Variants in DLG2 observed in about 807,000 individuals in gnomAD.
The protein encoded by DLG2 is discs large MAGUK scaffold protein 2.
Under a neutral mutation model 132.5 loss-of-function variants are expected in DLG2, and 45 were observed. The ratio of observed to expected loss-of-function variants is 0.34; its 90% CI spans 0.27 to 0.44. The LOEUF (loss-of-function observed/expected upper bound fraction) is 0.44, where lower values mean the gene tolerates loss of function less well. Among genes scored for constraint, DLG2 ranks in the 20% least tolerant of loss-of-function variants. The pLI is 1.00. For synonymous variants in DLG2, 424 were observed against 419.6 expected, an observed-to-expected ratio of 1.01 and a Z score of -0.13; for missense variants, 1,045 against 1,196.9, an observed-to-expected ratio of 0.87 and a Z score of 1.87.
At chr11:85,466,127 T>C (rs1480934051) in intron 3 of DLG2, among the ~76,000 whole-genome samples, 1 of 152,248 alleles carries the variant, frequency 6.6e-6, no homozygotes, top group East Asian at 1.9e-4. Flanking sequence ...TCTGTTAATA[T>C]CCTTTGCCCA....
chr11:83,463,961 G>A (rs544818721), intron 26 of DLG2, among the ~76,000 whole-genome samples: 21 of 152,308 alleles, frequency 1.4e-4, no homozygotes, highest in African/African-American at 4.8e-4. Context: ...CTTTGAGGGC[G>A]AAGACCATGG....
At chr11:83,506,189 C>T (rs1489690497) in intron 21 of DLG2, among the ~76,000 whole-genome samples, 1 of 152,150 alleles carries the variant, frequency 6.6e-6, no homozygotes, top group African/African-American at 2.4e-5. Flanking sequence ...CTAGAATTTC[C>T]AGCTCGCTCA....
At chr11:83,629,384 T>C (rs1408519389) in intron 19 of DLG2, among the ~76,000 whole-genome samples, 2 of 152,168 alleles carry the variant, frequency 1.3e-5, no homozygotes, top group South Asian at 2.1e-4. Flanking sequence ...ATCGATACGT[T>C]TTATTAACAA....
chr11:85,389,787 A>G (rs2086644949), intron 3 of DLG2, among the ~76,000 whole-genome samples: 1 of 152,152 alleles, frequency 6.6e-6, no homozygotes, highest in South Asian at 2.1e-4. Context: ...GGAAAGATAC[A>G]GTCTTTTTCA....
chr11:85,262,504 A>T (rs182492634), intron 4 of DLG2, among the ~76,000 whole-genome samples: 3,941 of 152,304 alleles, frequency 0.026, 87 homozygotes, highest in East Asian at 0.095. Flanking sequence ...AGTCTGAAGG[A>T]ACTCCTCAAA....
chr11:84,345,118 C>G (rs1241432306), intron 7 of DLG2, among the ~76,000 whole-genome samples: 1 of 152,136 alleles, frequency 6.6e-6, no homozygotes, highest in Non-Finnish European at 1.5e-5. Context: ...ACTGCAAATG[C>G]AAACTCATGA....
At chr11:84,359,256 C>T (rs2098636045) in intron 7 of DLG2, among the ~76,000 whole-genome samples, 2 of 151,752 alleles carry the variant, frequency 1.3e-5, no homozygotes, top group African/African-American at 4.8e-5. Context: ...AGAAATGAAT[C>T]AATATGCTGT....
chr11:83,813,255 A>T (rs548733765), intron 17 of DLG2, among the ~76,000 whole-genome samples: 1 of 152,282 alleles, frequency 6.6e-6, no homozygotes, highest in East Asian at 1.9e-4. Flanking sequence ...CTTCAAGGGA[A>T]ATACTTTTGA....
At chr11:85,518,185 T>G (rs2094207349) in intron 3 of DLG2, among the ~76,000 whole-genome samples, 1 of 152,196 alleles carries the variant, frequency 6.6e-6, no homozygotes, top group Non-Finnish European at 1.5e-5. Flanking sequence ...GAAGTGACTT[T>G]GGAACTTGGT....
chr11:85,405,185 G>A (rs2088602410), intron 3 of DLG2, among the ~76,000 whole-genome samples: 1 of 151,848 alleles, frequency 6.6e-6, no homozygotes, highest in Non-Finnish European at 1.5e-5. Context: ...TCTGCCCCTT[G>A]CATGCTAGAT....
At chr11:84,863,793 T>C (rs541257246) in intron 6 of DLG2, among the ~76,000 whole-genome samples, 2 of 151,644 alleles carry the variant, frequency 1.3e-5, no homozygotes, top group East Asian at 1.9e-4. Flanking sequence ...TAAAAGAGCA[T>C]GGGATTTGCA....
At chr11:84,561,492 A>G (rs1267166023) in intron 6 of DLG2, among the ~76,000 whole-genome samples, 1 of 152,124 alleles carries the variant, frequency 6.6e-6, no homozygotes, top group East Asian at 1.9e-4. Flanking sequence ...TCTAATATTT[A>G]GAAGTGTAAT....
chr11:84,403,446 C>G (rs1157868578), intron 7 of DLG2, among the ~76,000 whole-genome samples: 1 of 152,172 alleles, frequency 6.6e-6, no homozygotes, highest in Admixed American at 6.5e-5. Context: ...GTATCCTTTA[C>G]ATTCCCACTG....
At chr11:84,447,145 G>A (rs1440565433) in intron 7 of DLG2, among the ~76,000 whole-genome samples, 1 of 152,108 alleles carries the variant, frequency 6.6e-6, no homozygotes, top group African/African-American at 2.4e-5. Context: ...GCTAAACTAC[G>A]CTGTAAGACA....
At chr11:84,084,190 C>T (rs1181895685) in intron 10 of DLG2, among the ~76,000 whole-genome samples, 2 of 152,182 alleles carry the variant, frequency 1.3e-5, no homozygotes, top group African/African-American at 4.8e-5. Context: ...TAGGCATGCA[C>T]TCAGGGCTCT....
chr11:84,185,409 G>A (rs1233756296), intron 8 of DLG2, among the ~76,000 whole-genome samples: 5 of 152,192 alleles, frequency 3.3e-5, no homozygotes, highest in Admixed American at 3.3e-4. Flanking sequence ...TGTGATTTTT[G>A]TACATTGATT....
intron 6 of DLG2, among the ~76,000 whole-genome samples, chr11:84,798,556 C>T (rs1195490527): frequency 2.6e-5 from 4 of 152,174 alleles, no homozygotes; most frequent in Non-Finnish European, 4.4e-5. Flanking sequence ...AGATCTGAGA[C>T]TCACCCTTCA....
At chr11:85,234,610 C>T (rs1291904796) in intron 4 of DLG2, among the ~76,000 whole-genome samples, 1 of 152,004 alleles carries the variant, frequency 6.6e-6, no homozygotes, top group Non-Finnish European at 1.5e-5. Flanking sequence ...ATTTTCTCCA[C>T]TCTTTCTGTC....
chr11:84,282,984 A>C (rs1394005723), intron 7 of DLG2, among the ~76,000 whole-genome samples: 1 of 152,202 alleles, frequency 6.6e-6, no homozygotes, highest in East Asian at 1.9e-4. Context: ...TAAATTTAGC[A>C]GAACCACTTC....
Sources: gnomAD v4.1 joint callset for allele counts (sites outside exome capture counted in the v4.1 genomes callset) on GRCh38, gnomAD v4.1.1 for gene constraint, MANE v1.5 for transcripts, NCBI Gene and HGNC (gene_info 2026-07-23, HGNC 2026-07-21) for gene names.